Variants in ERN1 observed in about 807,000 individuals in gnomAD.
ERN1 encodes the protein endoplasmic reticulum to nucleus signaling 1, also known as serine/threonine-protein kinase/endoribonuclease IRE1.
Under a neutral mutation model 113.1 loss-of-function variants are expected in ERN1, and 39 were observed. That is an observed-to-expected ratio of 0.34 (90% CI 0.27 to 0.45). ERN1 has a LOEUF of 0.45. Among genes scored for constraint, ERN1 ranks in the 20% least tolerant of loss-of-function variants. The pLI, the probability that ERN1 is intolerant of heterozygous loss-of-function variation, is 1.00. For synonymous variants in ERN1, 507 were observed against 515.9 expected, an observed-to-expected ratio of 0.98 and a Z score of 0.23; for missense variants, 976 against 1,274.8, an observed-to-expected ratio of 0.77 and a Z score of 3.57.
At chr17:64,045,279 C>T (rs751357269) in intron 20 of ERN1, 80 bp downstream of exon 20, 124 of 1,547,320 alleles carry the variant, frequency 8.0e-5, no homozygotes, top group Non-Finnish European at 1.0e-4. Context: ...CAGCCTGGAG[C>T]GGCCATTTCC....
At chr17:64,126,611 C>G (rs1915087919) in intron 1 of ERN1, among the ~76,000 whole-genome samples, 1 of 152,122 alleles carries the variant, frequency 6.6e-6, no homozygotes, top group Non-Finnish European at 1.5e-5. Flanking sequence ...AATAGGCAGG[C>G]AAGTTAATGA....
At chr17:64,099,954 A>G (rs1472441354) in intron 1 of ERN1, among the ~76,000 whole-genome samples, 1 of 152,218 alleles carries the variant, frequency 6.6e-6, no homozygotes, top group Non-Finnish European at 1.5e-5. Context: ...CTCTGTGCAA[A>G]GCCTGAAGTC....
chr17:64,111,880 G>A (rs1254404773), intron 1 of ERN1, among the ~76,000 whole-genome samples: 2 of 152,060 alleles, frequency 1.3e-5, no homozygotes, highest in African/African-American at 2.4e-5. Flanking sequence ...AAAAAAATTG[G>A]TGGCAGCCAA....
intron 17 of ERN1, among the ~76,000 whole-genome samples, chr17:64,052,509 A>G (rs1181677514): frequency 1.5e-5 from 2 of 131,016 alleles, no homozygotes; most frequent in Non-Finnish European, 3.2e-5. Context: ...TCACACAAAA[A>G]AAACAAAAAA....
intron 2 of ERN1, among the ~76,000 whole-genome samples, chr17:64,087,155 C>G (rs1913958767): frequency 6.6e-6 from 1 of 152,148 alleles, no homozygotes; most frequent in South Asian, 2.1e-4. Context: ...CTTTATAACC[C>G]AAGCTGGGTG....
Position 64,055,746 on chromosome 17 carries a change from T to C in ERN1, c.1601A>G (p.Asn534Ser), listed in dbSNP as rs536304079. Residue 534 changes from asparagine (N) to serine (S), a missense_variant, in exon 13 of 22, where the codon AAC becomes AGC. Asn to Ser is a conservative substitution (Grantham distance 46, BLOSUM62 1). Coordinates refer to ENST00000433197, the MANE Select transcript of ERN1 (RefSeq NM_001433.5). ...SSPSTSPRAS[N>S]HSLCSGSSAS... The stretch of plus-strand genomic sequence containing the variant: ...AGAGCTGCCGGAGCAGAGCGAGTGG[T>C]TGGAGGCCCTGGGGGACGTGCTGGG... 3.1e-6 allele frequency: 5 copies of C among 1,611,842 alleles called. No homozygotes were observed. The highest frequency in any genetic ancestry group is 1.3e-5 in the African/African-American group (1 of 75,008).
intron 1 of ERN1, among the ~76,000 whole-genome samples, chr17:64,108,722 T>G (rs1914595318): frequency 6.6e-6 from 1 of 152,166 alleles, no homozygotes; most frequent in Admixed American, 6.5e-5. Context: ...CAAACTAAAC[T>G]AATACAGGCC....
At chr17:64,104,988 A>G (rs897096557) in intron 1 of ERN1, among the ~76,000 whole-genome samples, 1 of 150,496 alleles carries the variant, frequency 6.6e-6, no homozygotes, top group Non-Finnish European at 1.5e-5. Flanking sequence ...GGAGCATCTT[A>G]TCCCTGCAAA....
intron 1 of ERN1, among the ~76,000 whole-genome samples, chr17:64,118,716 G>C (rs901765147): frequency 6.6e-6 from 1 of 152,186 alleles, no homozygotes; most frequent in African/African-American, 2.4e-5. Flanking sequence ...GATGGGTCCG[G>C]GAGCTGAGAC....
intron 1 of ERN1, among the ~76,000 whole-genome samples, chr17:64,104,988 A>C (rs897096557): frequency 6.6e-6 from 1 of 150,496 alleles, no homozygotes; most frequent in Middle Eastern, 3.2e-3. Context: ...GGAGCATCTT[A>C]TCCCTGCAAA....
chr17:64,094,564 C>T (rs1914177662), intron 2 of ERN1, among the ~76,000 whole-genome samples: 1 of 151,852 alleles, frequency 6.6e-6, no homozygotes, highest in Admixed American at 6.6e-5. Context: ...CTGAGCTGAT[C>T]TCCTCCCGCC....
rs750586714 is a variant in ERN1 at position 64,066,656 on chromosome 17, G to A, written c.842+15C>T. On this transcript the variant is annotated intron_variant, in intron 8 of 21. Transcript: ENST00000433197. ...GGCCACGGCCGCCCTCTCCTTCCCC[G>A]AGCTCCCAACTCACGTCAGCTTGCT... is the stretch of plus-strand genomic sequence containing the variant. 11 of 1,611,798 alleles carry A rather than the reference G, an allele frequency of 6.8e-6. No homozygotes were observed. Among genetic ancestry groups the A allele is most frequent in the East Asian group, 6.7e-5 (3 of 44,828 alleles).
At chr17:64,096,326 G>A (rs1914228636) in intron 2 of ERN1, among the ~76,000 whole-genome samples, 1 of 152,216 alleles carries the variant, frequency 6.6e-6, no homozygotes, top group South Asian at 2.1e-4. Context: ...ACGCATGCAA[G>A]TGTAGTGTGG....
intron 1 of ERN1, among the ~76,000 whole-genome samples, chr17:64,126,399 G>A (rs1443252004): frequency 2.6e-5 from 4 of 152,032 alleles, no homozygotes; most frequent in East Asian, 1.9e-4. Context: ...CCTGAAAAAC[G>A]GAGTCCAAAT....
At chr17:64,115,400 C>T (rs555343910) in intron 1 of ERN1, among the ~76,000 whole-genome samples, 1 of 152,298 alleles carries the variant, frequency 6.6e-6, no homozygotes, top group East Asian at 1.9e-4. Flanking sequence ...CAATGCCGCC[C>T]CAAGGCCTGT....
At chr17:64,047,734 G>C (rs1889605524) in intron 19 of ERN1, 124 bp downstream of exon 19, 1 of 759,500 alleles carries the variant, frequency 1.3e-6, no homozygotes, top group Admixed American at 3.1e-5. Flanking sequence ...TAAAACATCA[G>C]CCATGATTAT....
In ERN1 at chr17:64,115,062, G is replaced by A. The variant is rs751314569; in HGVS notation, c.54+14914C>T. ...TGAGGAGTTAAACCTGCACCTTCCCGTCTTTTTAATCTTCCAGGCGCCCCA... is the reference window on the plus strand; with the variant it reads ...TGAGGAGTTAAACCTGCACCTTCCCATCTTTTTAATCTTCCAGGCGCCCCA... On this transcript the variant is annotated intron_variant, in intron 1 of 21. Coordinates refer to ENST00000433197, the MANE Select transcript of ERN1 (RefSeq NM_001433.5). 2.6e-5 allele frequency among the ~76,000 whole-genome samples: 4 copies of A among 152,044 alleles called. No individual in the cohort carries two copies. In the East Asian group the frequency reaches 5.8e-4, roughly 22 times the overall value.
At position 64,044,379 on chromosome 17, in the gene ERN1, C is replaced by T. The variant is rs1272791743; in HGVS notation, c.2722-179G>A. On this transcript the variant is annotated intron_variant, in intron 21 of 21. Coordinates refer to ENST00000433197, the MANE Select transcript of ERN1 (RefSeq NM_001433.5). The surrounding 1 kb of genome is among the most constrained non-coding windows in gnomAD (Gnocchi z 4.1). ...CAGCCCCGTCATCTCGCCTGCTACC[C>T]TCACTCAGGAGGAGGCCTTGAAGTG... Among the ~76,000 whole-genome samples the T allele has an allele frequency of 6.6e-6, 1 of 152,224 alleles. No individual in the cohort carries two copies. The highest frequency in any genetic ancestry group is 1.5e-5 in the Non-Finnish European group (1 of 68,040).
intron 1 of ERN1, among the ~76,000 whole-genome samples, chr17:64,108,830 T>A (rs1914598464): frequency 6.6e-6 from 1 of 152,120 alleles, no homozygotes; most frequent in Non-Finnish European, 1.5e-5. Flanking sequence ...AACCTACTAT[T>A]AAGAAGTCCT....
Sources: gnomAD v4.1 joint callset for allele counts (sites outside exome capture counted in the v4.1 genomes callset) on GRCh38, gnomAD v4.1.1 for gene constraint, Gnocchi (gnomAD v3.1) non-coding constraint, MANE v1.5 for transcripts, NCBI Gene and HGNC (gene_info 2026-07-23, HGNC 2026-07-21) for gene names.